Variants in PTPRN2 observed in about 807,000 individuals in gnomAD.
PTPRN2 encodes the protein protein tyrosine phosphatase receptor type N2, also known as receptor-type tyrosine-protein phosphatase N2.
PTPRN2 carries 74 observed loss-of-function variants against 118.8 expected under a neutral mutation model. That is an observed-to-expected ratio of 0.62 (90% CI 0.52 to 0.76). PTPRN2 has a LOEUF of 0.76. Among genes scored for constraint, PTPRN2 ranks in the 30% least tolerant of loss-of-function variants. The pLI is 0.00. For synonymous variants in PTPRN2, 641 were observed against 608.0 expected (o/e 1.05, Z -0.80); for missense variants, 1,481 against 1,394.4 (o/e 1.06, Z -0.99).
At chr7:158,085,028 G>GCCCATCCACACCCACGACA (rs1813191214) in intron 10 of PTPRN2, among the ~76,000 whole-genome samples, 1 of 119,242 alleles carries the variant, frequency 8.4e-6, no homozygotes. Context: ...CACCCACGAC[G>GCCCATCCACACCCACGACA]CCCATCCACA....
chr7:157,677,002 G>T (rs566582626), intron 13 of PTPRN2, among the ~76,000 whole-genome samples: 16 of 152,270 alleles, frequency 1.1e-4, no homozygotes, highest in Admixed American at 5.2e-4. Context: ...CCCTGGTGCT[G>T]TGTGAGCACC....
chr7:157,726,039 C>G (rs1453491750), intron 12 of PTPRN2, among the ~76,000 whole-genome samples: 1 of 149,934 alleles, frequency 6.7e-6, no homozygotes, highest in African/African-American at 2.5e-5. Flanking sequence ...TGTGGCCAGA[C>G]CCTCGCCTCC....
Position 158,167,016 on chromosome 7 carries a change from C to T in PTPRN2, c.825G>A (p.Met275Ile). 3 of 1,492,326 alleles carry T rather than the reference C, an allele frequency of 2.0e-6. No homozygotes were observed. The highest frequency in any genetic ancestry group is 4.8e-5 in the Admixed American group (2 of 41,682). 92.4% of individuals were successfully genotyped at this position (1,492,326 alleles called of 1,614,324 possible). ...PQYLLRAPSR[M>I]PRPLLAPAAP... is the part of the protein sequence containing the mutation. The stretch of plus-strand genomic sequence containing the variant: ...CGGCTGGTGCCAGCAAAGGCCTGGG[C>T]ATTCTTGAGGGTGCACGCAGAAGGT... Residue 275 changes from methionine to isoleucine, a missense_variant, in exon 6 of 23, where the codon ATG (methionine) becomes ATA (isoleucine). Transcript: ENST00000389418.
intron 6 of PTPRN2, among the ~76,000 whole-genome samples, chr7:158,139,373 G>A (rs145377641): frequency 2.6e-5 from 4 of 152,186 alleles, no homozygotes; most frequent in East Asian, 3.9e-4. Context: ...CGGAAGAAAC[G>A]GTTTGTGAAT....
intron 2 of PTPRN2, among the ~76,000 whole-genome samples, chr7:158,466,489 T>G (rs527262890): frequency 1.3e-5 from 2 of 152,326 alleles, no homozygotes; most frequent in South Asian, 4.1e-4. Context: ...GGTTCATCCA[T>G]GTTTTGAAAA....
chr7:157,761,559 G>C (rs1374733227), intron 12 of PTPRN2, among the ~76,000 whole-genome samples: 2 of 150,368 alleles, frequency 1.3e-5, no homozygotes, highest in Non-Finnish European at 3.0e-5. Context: ...GTAGAAAGCT[G>C]AAACTGGATC....
intron 3 of PTPRN2, among the ~76,000 whole-genome samples, chr7:158,277,479 A>T (rs1215036652): frequency 6.6e-6 from 1 of 152,134 alleles, no homozygotes; most frequent in Non-Finnish European, 1.5e-5. Flanking sequence ...GAACCCTGAA[A>T]ACACTGACCC....
intron 2 of PTPRN2, among the ~76,000 whole-genome samples, chr7:158,396,641 C>T (rs766013042): frequency 3.3e-5 from 5 of 149,672 alleles, no homozygotes; most frequent in African/African-American, 4.9e-5. Flanking sequence ...GGGGCAGCTC[C>T]GTTCTCACAG....
intron 1 of PTPRN2, among the ~76,000 whole-genome samples, chr7:158,571,145 C>A (rs746102086): frequency 3.3e-5 from 5 of 152,050 alleles, no homozygotes; most frequent in Non-Finnish European, 5.9e-5. Flanking sequence ...TTTGTTTTTG[C>A]TTATTTTTTT....
At chr7:157,572,720 C>T (rs916678458) in intron 19 of PTPRN2, among the ~76,000 whole-genome samples, 4 of 152,238 alleles carry the variant, frequency 2.6e-5, no homozygotes, top group Non-Finnish European at 4.4e-5. Context: ...GTTGCAGGGA[C>T]TGGACTCGGC....
At chr7:157,905,552 G>A (rs955008160) in intron 11 of PTPRN2, among the ~76,000 whole-genome samples, 1 of 152,144 alleles carries the variant, frequency 6.6e-6, no homozygotes, top group African/African-American at 2.4e-5. Flanking sequence ...ACCCTATAAT[G>A]TTCTCAAAAT....
At position 158,233,407 on chromosome 7, in the gene PTPRN2, C is replaced by T. The variant is rs975274896; in HGVS notation, c.278-28134G>A. On this transcript the variant is annotated intron_variant, in intron 3 of 22. Coordinates refer to ENST00000389418, the MANE Select transcript of PTPRN2 (RefSeq NM_002847.5). The stretch of plus-strand genomic sequence containing the variant: ...GAAAACGATACAACACTGAAGAAAA[C>T]AATTGAAGACGACACAAAAAACTGG... Among the ~76,000 whole-genome samples, 25 of 152,078 alleles carry T rather than the reference C, an allele frequency of 1.6e-4. No individual in the cohort carries two copies. The South Asian group carries it at 5.0e-3, about 30-fold the overall frequency.
At chr7:157,898,619 C>A in intron 12 of PTPRN2, 54 bp downstream of exon 12, 1 of 1,495,270 alleles carries the variant, frequency 6.7e-7, no homozygotes, top group South Asian at 1.1e-5. Flanking sequence ...TGTTCGCCAG[C>A]ACCCAGACAG....
chr7:157,860,477 G>A (rs369682683), intron 12 of PTPRN2, among the ~76,000 whole-genome samples: 9 of 152,348 alleles, frequency 5.9e-5, no homozygotes, highest in East Asian at 1.9e-4. Flanking sequence ...AAGAAATGGC[G>A]GAGTTGGCAG....
rs546902303 is a variant in PTPRN2, at chr7:158,558,906, G to A, written c.112+28652C>T. ...CTCTCACCTCTTAACACCTCCCCAG[G>A]TCTGACCAGGGGTTAATTATGACTG... On this transcript the variant is annotated intron_variant, in intron 1 of 22. Coordinates refer to ENST00000389418, the MANE Select transcript of PTPRN2 (RefSeq NM_002847.5). Among the ~76,000 whole-genome samples the A allele has an allele frequency of 5.9e-5, 9 of 152,192 alleles. No homozygotes were observed. In the South Asian group the frequency reaches 1.9e-3, roughly 32 times the overall value.
intron 2 of PTPRN2, among the ~76,000 whole-genome samples, chr7:158,358,170 G>A (rs1218978995): frequency 6.6e-6 from 1 of 152,152 alleles, no homozygotes; most frequent in Non-Finnish European, 1.5e-5. Context: ...AGCAAGCCTC[G>A]GGAGGCTGCC....
chr7:158,516,625 CTGGTGCTGTTCT>C (rs1563381407), intron 1 of PTPRN2, among the ~76,000 whole-genome samples: 1 of 134,480 alleles, frequency 7.4e-6, no homozygotes, highest in Non-Finnish European at 1.6e-5. Context: ...CCTATTGTTC[CTGGTGCTGTTCT>C]TGGTGCTCCT....
At chr7:157,673,847 T>A (rs1307144524) in intron 13 of PTPRN2, among the ~76,000 whole-genome samples, 1 of 151,938 alleles carries the variant, frequency 6.6e-6, no homozygotes, top group Non-Finnish European at 1.5e-5. Context: ...AGGGCTCCCC[T>A]AGGGTCACAG....
At chr7:158,034,364 T>C (rs556498163) in intron 11 of PTPRN2, among the ~76,000 whole-genome samples, 2 of 152,352 alleles carry the variant, frequency 1.3e-5, no homozygotes, top group South Asian at 4.1e-4. Flanking sequence ...ACAATTCCCA[T>C]GTGTCATGGG....
Sources: allele counts gnomAD v4.1 joint callset (sites outside exome capture counted in the v4.1 genomes callset), GRCh38; gene constraint gnomAD v4.1.1; transcripts MANE v1.5; gene names NCBI Gene and HGNC (gene_info 2026-07-23, HGNC 2026-07-21).